The following NSUN4 variants were observed in gnomAD, a reference collection of about 807,000 sequenced individuals.
The protein encoded by NSUN4 is 5-cytosine rRNA methyltransferase NSUN4.
Under a neutral mutation model 43.8 loss-of-function variants are expected in NSUN4, and 31 were observed. That is an observed-to-expected ratio of 0.71 (90% CI 0.53 to 0.96). NSUN4 has a LOEUF of 0.96. NSUN4 is among the 40% of genes least tolerant of loss of function. The probability of loss-of-function intolerance (pLI) is 0.00; values close to 1 mark genes in which losing one functional copy is unlikely to be tolerated. For missense variants in NSUN4, 439 were observed against 475.6 expected (o/e 0.92, Z 0.72); for synonymous variants, 167 against 184.1 (o/e 0.91, Z 0.75).
chr1:46,383,534 C>T, the NSUN4 span, among the ~76,000 whole-genome samples: 182 of 148,948 alleles, frequency 1.2e-3, 1 homozygote, highest in African/African-American at 4.2e-3. Flanking sequence ...CGGCTCACTG[C>T]AAGCTCCGCC....
In NSUN4 at chr1:46,362,180, G is replaced by T; in HGVS notation, c.*334G>T. 1 of 314,732 alleles carries T rather than the reference G, an allele frequency of 3.2e-6. No individual in the cohort carries two copies. Among genetic ancestry groups the T allele is most frequent in the South Asian group, 4.0e-5 (1 of 24,852 alleles). 19.5% of individuals were successfully genotyped at this position (314,732 alleles called of 1,614,324 possible). On this transcript the variant is annotated 3_prime_UTR_variant, in exon 6 of 6. Coordinates refer to ENST00000474844, the MANE Select transcript of NSUN4 (RefSeq NM_199044.4). ...GGAGAAGCATTTGGCCAATAAAGTT[G>T]TTGAAACTCTATAGACCTGGGGCTG...
At chr1:46,350,659 A>G (rs141311117) in intron 3 of NSUN4, among the ~76,000 whole-genome samples, 2 of 152,374 alleles carry the variant, frequency 1.3e-5, no homozygotes, top group Admixed American at 1.3e-4. Context: ...TGCATTTGAT[A>G]GAAAACCTAA....
intron 3 of NSUN4, among the ~76,000 whole-genome samples, chr1:46,348,632 C>T (rs1008572534): frequency 6.9e-6 from 1 of 145,622 alleles, no homozygotes; most frequent in African/African-American, 2.5e-5. Context: ...TCGCTTGAAC[C>T]TGGGAGATGG....
intron 1 of NSUN4, chr1:46,343,762 C>T (rs1035122150): frequency 4.2e-5 from 17 of 400,250 alleles, no homozygotes; most frequent in Non-Finnish European, 4.4e-6. Flanking sequence ...GGTGAGAGTC[C>T]CCAAATTAGC....
intron 1 of NSUN4, chr1:46,342,097 G>A (rs758681406): frequency 2.3e-5 from 12 of 526,402 alleles, no homozygotes; most frequent in Admixed American, 8.7e-5. Flanking sequence ...CTTGCTCGCC[G>A]GCCGGTGGAA....
chr1:46,367,916 C>T (rs1282442087), downstream of NSUN4, among the ~76,000 whole-genome samples: 3 of 151,832 alleles, frequency 2.0e-5, no homozygotes, highest in Non-Finnish European at 4.4e-5. Context: ...AGGCACATGC[C>T]ACCGCGCCTG....
chr1:46,346,882 A>T, intron 2 of NSUN4, 39 bp from the exon 3 acceptor site: 1 of 1,585,326 alleles, frequency 6.3e-7, no homozygotes, highest in Non-Finnish European at 8.6e-7. Context: ...GGGTGTCCTG[A>T]CCTGGAATTT....
chr1:46,342,583 A>G, intron 1 of NSUN4: 1 of 399,394 alleles, frequency 2.5e-6, no homozygotes. Context: ...CTAACCCCGG[A>G]CACCACAACT....
At chr1:46,343,229 C>T in intron 1 of NSUN4, 1 of 399,412 alleles carries the variant, frequency 2.5e-6, no homozygotes, top group Non-Finnish European at 4.4e-6. Context: ...ATAGCACTCC[C>T]AGGGGCCCAC....
At chr1:46,376,367 C>T in the NSUN4 span, among the ~76,000 whole-genome samples, 3 of 151,296 alleles carry the variant, frequency 2.0e-5, no homozygotes, top group Non-Finnish European at 2.9e-5. Context: ...CAAGATCACA[C>T]CACTGCACTC....
Position 46,348,700 on chromosome 1 carries a change from A to C in NSUN4, c.592+1625A>C. 1.7e-5 allele frequency among the ~76,000 whole-genome samples: 2 copies of C among 117,198 alleles called. 1 individual carries two copies. The allele number at this position is 117,198 out of a possible 152,430, so 76.9% of individuals were successfully genotyped here. ...CTTCCGCTTGGGCAACAAGAGCAAA[A>C]CTCTGTCTCAAAAAAAAAAAAAAAA... On this transcript the variant is annotated intron_variant, in intron 3 of 5. Coordinates refer to ENST00000474844, the MANE Select transcript of NSUN4 (RefSeq NM_199044.4).
chr1:46,370,051 C>T (rs1369785611), downstream of NSUN4, among the ~76,000 whole-genome samples: 2 of 152,180 alleles, frequency 1.3e-5, no homozygotes, highest in African/African-American at 4.8e-5. Flanking sequence ...CCAAGCTGTT[C>T]AGACCATATT....
chr1:46,344,436 T>A lies in NSUN4; in HGVS notation c.94-365T>A, dbSNP rs373035509. 3.0e-5 allele frequency: 7 copies of A among 231,386 alleles called. No individual in the cohort carries two copies. The East Asian group carries it at 6.4e-4, about 21-fold the overall frequency. The allele number at this position is 231,386 out of a possible 1,614,324, so 14.3% of individuals were successfully genotyped here. A position where few individuals can be genotyped will look rare whatever the true frequency, so the allele number is the denominator to read the frequency against. ...TAGAACTGTTCAGAAGAAAAGGGCC[T>A]TTTGCTTTTAAGTTCAAAGCTTCCC... On this transcript the variant is annotated intron_variant, in intron 1 of 5. Transcript: ENST00000474844.
chr1:46,345,878 G>A lies in NSUN4; in HGVS notation c.437+734G>A, dbSNP rs753555072. On this transcript the variant is annotated intron_variant, in intron 2 of 5. Coordinates refer to ENST00000474844, the MANE Select transcript of NSUN4 (RefSeq NM_199044.4). Reference sequence around the variant, plus strand: ...TTATTAAAAAATATTGGCCGGGTGTGGTGGCTCACGCCTTTAATCCTAGCA... The same window carrying A: ...TTATTAAAAAATATTGGCCGGGTGTAGTGGCTCACGCCTTTAATCCTAGCA... Among the ~76,000 whole-genome samples, 40 of 152,284 alleles carry A rather than the reference G, an allele frequency of 2.6e-4. 1 individual carries two copies. The Middle Eastern group carries it at 0.034, about 129-fold the overall frequency.
chr1:46,342,753 C>T, intron 1 of NSUN4: 1 of 399,084 alleles, frequency 2.5e-6, no homozygotes, highest in Non-Finnish European at 4.4e-6. Context: ...TTCCCCCCAA[C>T]CGAAGTCCCC....
the NSUN4 span, among the ~76,000 whole-genome samples, chr1:46,371,629 A>T: frequency 6.6e-6 from 1 of 151,956 alleles, no homozygotes; most frequent in Non-Finnish European, 1.5e-5. Context: ...TTTAGTAGAG[A>T]CGGGGTTTCA....
rs1664086292 is a variant in NSUN4 at position 46,364,821 on chromosome 1, A to G, written c.*2975A>G. The G allele has an allele frequency of 6.6e-6, 1 of 152,198 alleles. No homozygotes were observed. Among genetic ancestry groups the G allele is most frequent in the African/African-American group, 2.4e-5 (1 of 41,438 alleles). 9.4% of individuals were successfully genotyped at this position (152,198 alleles called of 1,614,324 possible). ...AGCCCTGCTGGGAACTTCTGATTTGAGCTCTTCCAAAACCAGGATGGATGC... is the reference window on the plus strand; with the variant it reads ...AGCCCTGCTGGGAACTTCTGATTTGGGCTCTTCCAAAACCAGGATGGATGC... On this transcript the variant is annotated 3_prime_UTR_variant, in exon 6 of 6. Transcript: ENST00000474844.
intron 4 of NSUN4, among the ~76,000 whole-genome samples, chr1:46,360,249 A>AAAAAAAAAAAATATAT (rs1553177947): frequency 3.9e-5 from 1 of 25,768 alleles, no homozygotes; most frequent in African/African-American, 1.3e-4. Flanking sequence ...AAAAAAAAAA[A>AAAAAAAAAAAATATAT]ATATATATAT....
At chr1:46,356,933 C>T (rs1001838660) in intron 4 of NSUN4, among the ~76,000 whole-genome samples, 2 of 152,074 alleles carry the variant, frequency 1.3e-5, no homozygotes, top group Admixed American at 1.3e-4. Context: ...CCTTATAATA[C>T]AATATTATAC....
Sources: gnomAD v4.1 joint callset for allele counts (sites outside exome capture counted in the v4.1 genomes callset) on GRCh38, gnomAD v4.1.1 for gene constraint, MANE v1.5 for transcripts, NCBI Gene and HGNC (gene_info 2026-07-23, HGNC 2026-07-21) for gene names.